The following LRP1B variants were observed in gnomAD, a reference collection of about 807,000 sequenced individuals.
The protein encoded by LRP1B is LDL receptor related protein 1B.
A neutral mutation model predicts 556.6 loss-of-function variants in LRP1B; 217 were observed. The observed-to-expected ratio is 0.39, with a 90% CI of 0.35 to 0.44. The LOEUF is 0.44. Among genes scored for constraint, LRP1B ranks in the 20% least tolerant of loss-of-function variants. The probability of loss-of-function intolerance (pLI) is 1.00; values close to 1 mark genes in which losing one functional copy is unlikely to be tolerated. For synonymous variants in LRP1B, 2,047 were observed against 1,865.8 expected (o/e 1.10, Z -2.50); for missense variants, 5,053 against 5,620.8 (o/e 0.90, Z 3.23).
At chr2:141,544,304 C>CTTCTTCTTCTTCTTCTTCTTCTTCTTCTT (rs1685391848) in intron 2 of LRP1B, among the ~76,000 whole-genome samples, 96 of 9,314 alleles carry the variant, frequency 0.01, no homozygotes, top group South Asian at 0.025. Flanking sequence ...CACTCTTCTT[C>CTTCTTCTTCTTCTTCTTCTTCTTCTTCTT]TTCTTCTTCT....
At chr2:140,962,282 A>C (rs1417080452) in intron 18 of LRP1B, among the ~76,000 whole-genome samples, 1 of 152,160 alleles carries the variant, frequency 6.6e-6, no homozygotes, top group Non-Finnish European at 1.5e-5. Context: ...GAGGTTTTGC[A>C]CACCACAACC....
At chr2:140,423,793 A>T (rs1434131954) in intron 66 of LRP1B, among the ~76,000 whole-genome samples, 1 of 152,158 alleles carries the variant, frequency 6.6e-6, no homozygotes, top group African/African-American at 2.4e-5. Flanking sequence ...ATATACATAC[A>T]GTAATCTAGA....
intron 47 of LRP1B, among the ~76,000 whole-genome samples, chr2:140,532,931 T>TAC (rs756228374): frequency 9.2e-6 from 1 of 108,384 alleles, no homozygotes; most frequent in Non-Finnish European, 2.1e-5. Context: ...CAGCACAAGA[T>TAC]ATATATATAT....
intron 21 of LRP1B, among the ~76,000 whole-genome samples, chr2:140,920,424 T>C (rs1694705212): frequency 6.6e-6 from 1 of 152,076 alleles, no homozygotes; most frequent in Non-Finnish European, 1.5e-5. Context: ...TTAATTAGCC[T>C]GAAACTTTTC....
chr2:142,104,589 G>A (rs1162897036), intron 1 of LRP1B, among the ~76,000 whole-genome samples: 3 of 152,082 alleles, frequency 2.0e-5, no homozygotes, highest in Admixed American at 6.6e-5. Flanking sequence ...AATCATAAAG[G>A]TATTTTTTTG....
intron 85 of LRP1B, among the ~76,000 whole-genome samples, chr2:140,272,912 TA>T (rs1290881603): frequency 2.6e-5 from 4 of 151,950 alleles, no homozygotes; most frequent in Non-Finnish European, 5.9e-5. Flanking sequence ...AAAGATCATT[TA>T]AAAAACACAA....
chr2:141,952,348 A>G (rs1486043001), intron 1 of LRP1B, among the ~76,000 whole-genome samples: 2 of 152,194 alleles, frequency 1.3e-5, no homozygotes, highest in African/African-American at 4.8e-5. Context: ...ATGATTTATA[A>G]TCCTTTGGGT....
At chr2:141,133,740 C>T (rs566112494) in intron 7 of LRP1B, among the ~76,000 whole-genome samples, 2 of 151,998 alleles carry the variant, frequency 1.3e-5, no homozygotes, top group African/African-American at 4.8e-5. Context: ...GCAACTAATG[C>T]AACATTTTTA....
At chr2:140,913,507 G>C (rs952361587) in intron 21 of LRP1B, among the ~76,000 whole-genome samples, 10 of 151,902 alleles carry the variant, frequency 6.6e-5, no homozygotes, top group Admixed American at 4.6e-4. Flanking sequence ...ATTTAATATA[G>C]ACAGCTGCCT....
chr2:141,112,817 G>T (rs528731143), intron 7 of LRP1B, among the ~76,000 whole-genome samples: 1 of 152,136 alleles, frequency 6.6e-6, no homozygotes. Context: ...TTTGAAAAAG[G>T]CAAATTGATT....
intron 43 of LRP1B, among the ~76,000 whole-genome samples, chr2:140,562,347 C>CACTAACATGTTTAGTGTA (rs1454021112): frequency 6.6e-6 from 1 of 152,042 alleles, no homozygotes; most frequent in Non-Finnish European, 1.5e-5. Context: ...TTTTTGTTTA[C>CACTAACATGTTTAGTGTA]ACTAACATGT....
At chr2:141,566,365 C>T (rs925126391) in intron 2 of LRP1B, among the ~76,000 whole-genome samples, 1 of 151,960 alleles carries the variant, frequency 6.6e-6, no homozygotes, top group African/African-American at 2.4e-5. Flanking sequence ...TTGAGAATTA[C>T]GTAAAGTAGA....
At chr2:141,134,021 T>C (rs1407500959) in intron 7 of LRP1B, among the ~76,000 whole-genome samples, 1 of 151,886 alleles carries the variant, frequency 6.6e-6, no homozygotes, top group Non-Finnish European at 1.5e-5. Flanking sequence ...ACTTGATCTC[T>C]TACTCTTTTA....
chr2:140,295,143 G>T, intron 84 of LRP1B, among the ~76,000 whole-genome samples: 1 of 152,218 alleles, frequency 6.6e-6, no homozygotes, highest in East Asian at 1.9e-4. Context: ...CTCTCAAAGT[G>T]CTGGGATTAC....
At chr2:141,537,918 C>T (rs1022551295) in intron 2 of LRP1B, among the ~76,000 whole-genome samples, 1 of 152,096 alleles carries the variant, frequency 6.6e-6, no homozygotes, top group Non-Finnish European at 1.5e-5. Flanking sequence ...CCACCCATAA[C>T]ACTGTGTCTC....
At chr2:140,749,401 A>C (rs1688494052) in intron 35 of LRP1B, among the ~76,000 whole-genome samples, 1 of 151,720 alleles carries the variant, frequency 6.6e-6, no homozygotes, top group African/African-American at 2.4e-5. Flanking sequence ...TTTTGTAAGA[A>C]TATACCTTAA....
Position 141,015,747 on chromosome 2 carries a change from A to C in LRP1B, c.2139T>G (p.Asp713Glu). Reference sequence around the variant, plus strand: ...CTTTTTCAATATGATCGTAATAGGCATCACACCAGTATAATGTGTTGGTGT... The same window carrying C: ...CTTTTTCAATATGATCGTAATAGGCCTCACACCAGTATAATGTGTTGGTGT... ...DFHTNTLYWC[D>E]AYYDHIEKVF... The change falls in exon 13 of 91, where the codon GAT becomes GAG. Residue 713 changes from aspartate (D) to glutamate (E), a missense_variant. Physicochemically the swap from Asp to Glu is conservative, Grantham distance 45. Transcript: ENST00000389484. 6.2e-7 allele frequency: 1 copy of C among 1,613,354 alleles called. No homozygotes were observed. Among genetic ancestry groups the C allele is most frequent in the Non-Finnish European group, 8.5e-7 (1 of 1,179,614 alleles).
At chr2:140,834,711 A>G (rs1295478650) in intron 31 of LRP1B, among the ~76,000 whole-genome samples, 2 of 152,176 alleles carry the variant, frequency 1.3e-5, no homozygotes, top group Non-Finnish European at 2.9e-5. Context: ...AGAAGATGAA[A>G]ATAAACTCAT....
At chr2:141,825,621 C>T (rs1251951433) in intron 1 of LRP1B, among the ~76,000 whole-genome samples, 39 of 152,080 alleles carry the variant, frequency 2.6e-4, no homozygotes, top group Non-Finnish European at 4.4e-5. Flanking sequence ...GGTAGGTGGA[C>T]CTGTGTTATT....
Sources: allele counts gnomAD v4.1 joint callset (sites outside exome capture counted in the v4.1 genomes callset), GRCh38; gene constraint gnomAD v4.1.1; transcripts MANE v1.5; gene names NCBI Gene and HGNC (gene_info 2026-07-23, HGNC 2026-07-21).